The following SNX19 variants were observed in gnomAD, a reference collection of about 807,000 sequenced individuals.
SNX19 encodes the protein sorting nexin 19.
SNX19 carries 60 observed loss-of-function variants against 85.2 expected under a neutral mutation model. The ratio of observed to expected loss-of-function variants is 0.70; its 90% CI spans 0.57 to 0.87. The LOEUF is 0.87. Ranked by LOEUF, SNX19 falls within the 40% of genes least tolerant of loss-of-function variation. The probability of loss-of-function intolerance (pLI) is 0.00; values close to 1 mark genes in which losing one functional copy is unlikely to be tolerated. For missense variants in SNX19, 1,201 were observed against 1,217.8 expected (o/e 0.99, Z 0.21); for synonymous variants, 520 against 470.0 (o/e 1.11, Z -1.38).
chr11:130,905,767 C>A, intron 7 of SNX19, 186 bp downstream of exon 7: 1 of 1,537,472 alleles, frequency 6.5e-7, no homozygotes, highest in Middle Eastern at 1.7e-4. Context: ...TGCTTGATTC[C>A]GCTGTGGCAA....
chr11:130,886,358 C>T (rs1893017), intron 8 of SNX19, among the ~76,000 whole-genome samples: 66,113 of 151,794 alleles, frequency 0.44, 14,665 homozygotes, highest in South Asian at 0.56. Flanking sequence ...TGCATGCTCA[C>T]AGTGGGCTGC....
chr11:130,894,855 C>T, intron 8 of SNX19: 1 of 985,306 alleles, frequency 1.0e-6, no homozygotes. Flanking sequence ...GTTATACCTT[C>T]CTCTATAAAG....
rs12363140 is a variant in SNX19, at chr11:130,874,373, A to C, written c.*4049T>G. 0.44 allele frequency among the ~76,000 whole-genome samples: 66,536 copies of C among 152,054 alleles called. 14,851 individuals are homozygous for C. The highest frequency in any genetic ancestry group is 0.57 in the South Asian group (2,724 of 4,814). On this transcript the variant is annotated 3_prime_UTR_variant, in exon 11 of 11. Transcript: ENST00000265909. ...GGGAAATGGTTCCTTCATTCCTTAG[A>C]AGAAAACACAGAAGAGATGCTCCTG...
chr11:130,891,063 C>T (rs1317636146), intron 8 of SNX19, among the ~76,000 whole-genome samples: 7 of 152,082 alleles, frequency 4.6e-5, no homozygotes, highest in Non-Finnish European at 7.4e-5. Context: ...CCAATACTTA[C>T]AACAGCAAAA....
At chr11:130,907,105 T>C (rs1945730204) in intron 5 of SNX19, among the ~76,000 whole-genome samples, 1 of 152,222 alleles carries the variant, frequency 6.6e-6, no homozygotes, top group South Asian at 2.1e-4. Flanking sequence ...AAGTTTTCAT[T>C]ATTGCTATTC....
chr11:130,872,783 C>A lies in SNX19; in HGVS notation c.*5639G>T, dbSNP rs1943079086. Among the ~76,000 whole-genome samples the A allele has an allele frequency of 6.6e-6, 1 of 152,170 alleles. No homozygotes were observed. Among genetic ancestry groups the A allele is most frequent in the African/African-American group, 2.4e-5 (1 of 41,456 alleles). ...AAAGTATCATGGTTTCCCTTCCTCC[C>A]CAGTTACCATTCTTTCCCTGGTTCC... On this transcript the variant is annotated 3_prime_UTR_variant, in exon 11 of 11. Coordinates refer to ENST00000265909, the MANE Select transcript of SNX19 (RefSeq NM_014758.3).
In SNX19 at chr11:130,869,462, C is replaced by G. The variant is rs1231825292; in HGVS notation, c.*8960G>C. The G allele has an allele frequency of 2.6e-5, 4 of 152,122 alleles. No individual in the cohort carries two copies. The highest frequency in any genetic ancestry group is 4.4e-5 in the Non-Finnish European group (3 of 68,004). 9.4% of individuals were successfully genotyped at this position (152,122 alleles called of 1,614,324 possible). A position where few individuals can be genotyped will look rare whatever the true frequency, so the allele number is the denominator to read the frequency against. On this transcript the variant is annotated 3_prime_UTR_variant, in exon 11 of 11. Coordinates refer to ENST00000265909, the MANE Select transcript of SNX19 (RefSeq NM_014758.3). ...TTTCAGAAAGTTTTTCGAGGATAAACTTGTAGAGGGATTTGGGGAGAGGAA... is the reference window on the plus strand; with the variant it reads ...TTTCAGAAAGTTTTTCGAGGATAAAGTTGTAGAGGGATTTGGGGAGAGGAA...
In SNX19 at chr11:130,905,592, T is replaced by A. The variant is rs539831845; in HGVS notation, c.2443+361A>T. The stretch of plus-strand genomic sequence containing the variant: ...GGACTAAGAAGCCACGAAAAAGGCA[T>A]GAAGGAAACCAGGAAACTGAGACAC... On this transcript the variant is annotated intron_variant, in intron 7 of 10. Transcript: ENST00000265909. The A allele has an allele frequency of 1.5e-4, 194 of 1,306,294 alleles. No individual in the cohort carries two copies. In the African/African-American group the frequency reaches 2.5e-3, roughly 17 times the overall value. The allele number at this position is 1,306,294 out of a possible 1,614,324, so 80.9% of individuals were successfully genotyped here.
rs1942875399 is a variant in SNX19, at chr11:130,868,569, A to T, written c.*9853T>A. 1 of 152,176 alleles carries T rather than the reference A, an allele frequency of 6.6e-6. No homozygotes were observed. Among genetic ancestry groups the T allele is most frequent in the Non-Finnish European group, 1.5e-5 (1 of 68,050 alleles). The allele number at this position is 152,176 out of a possible 1,614,324, so 9.4% of individuals were successfully genotyped here. On this transcript the variant is annotated 3_prime_UTR_variant, in exon 11 of 11. Transcript: ENST00000265909. Reference sequence around the variant, plus strand: ...TCAGGAGCTAGCTGGTTACTGTAGCAACAGGCCTTCAAAGCTTCACATTTC... The same window carrying T: ...TCAGGAGCTAGCTGGTTACTGTAGCTACAGGCCTTCAAAGCTTCACATTTC...
At chr11:130,910,217 G>A in intron 3 of SNX19, 53 bp downstream of exon 3, 1 of 1,612,022 alleles carries the variant, frequency 6.2e-7, no homozygotes, top group Non-Finnish European at 8.5e-7. Context: ...GGTGTTCTGG[G>A]GTTAGACACC....
rs1373554019 is a variant in SNX19, at chr11:130,876,598, G to C, written c.*1824C>G. 1 of 57,014 alleles carries C rather than the reference G, an allele frequency of 1.8e-5. No homozygotes were observed. Among genetic ancestry groups the C allele is most frequent in the East Asian group, 3.6e-4 (1 of 2,796 alleles). 3.5% of individuals were successfully genotyped at this position (57,014 alleles called of 1,614,324 possible). A position where few individuals can be genotyped will look rare whatever the true frequency, so the allele number is the denominator to read the frequency against. Reference sequence around the variant, plus strand: ...ACACAGGTGGCTAAGTACACATGAGGGGAAGGTAGGTATGGGGAGAGAAAA... The same window carrying C: ...ACACAGGTGGCTAAGTACACATGAGCGGAAGGTAGGTATGGGGAGAGAAAA... On this transcript the variant is annotated 3_prime_UTR_variant, in exon 11 of 11. Transcript: ENST00000265909.
intron 7 of SNX19, among the ~76,000 whole-genome samples, chr11:130,903,998 A>C (rs1490825709): frequency 6.6e-6 from 1 of 152,168 alleles, no homozygotes; most frequent in East Asian, 1.9e-4. Flanking sequence ...AGGATTCAGG[A>C]GGCTTCAGTC....
rs1165298848 is a variant in SNX19, at chr11:130,874,577, C to T, written c.*3845G>A. The stretch of plus-strand genomic sequence containing the variant: ...CCAAACTCCTGGGCTTACCTACTCA[C>T]GTACTAATGTTATGAAATAAAATAA... On this transcript the variant is annotated 3_prime_UTR_variant, in exon 11 of 11. Transcript: ENST00000265909. 1.3e-5 allele frequency among the ~76,000 whole-genome samples: 2 copies of T among 152,200 alleles called. No individual in the cohort carries two copies. The highest frequency in any genetic ancestry group is 2.4e-5 in the African/African-American group (1 of 41,436).
intron 8 of SNX19, among the ~76,000 whole-genome samples, chr11:130,891,836 A>C (rs1944517962): frequency 7.0e-6 from 1 of 142,082 alleles, no homozygotes; most frequent in Admixed American, 7.6e-5. Context: ...TTTCATTCTG[A>C]AAGTTTTTTC....
chr11:130,879,489 G>A, intron 10 of SNX19, 135 bp downstream of exon 10: 1 of 698,280 alleles, frequency 1.4e-6, no homozygotes, highest in Non-Finnish European at 2.4e-6. Context: ...AAACTCTGTA[G>A]TCAGTGCCCA....
At chr11:130,898,750 T>C (rs1345197908) in intron 8 of SNX19, among the ~76,000 whole-genome samples, 1 of 152,204 alleles carries the variant, frequency 6.6e-6, no homozygotes, top group Non-Finnish European at 1.5e-5. Context: ...CCTGCAACTG[T>C]CCCAGGGATA....
chr11:130,910,472 C>T, intron 2 of SNX19, 102 bp from the exon 3 acceptor site: 1 of 871,414 alleles, frequency 1.1e-6, no homozygotes, highest in Middle Eastern at 3.5e-4. Context: ...GAATATATTT[C>T]CTTGGATTAA....
At chr11:130,911,832 C>T (rs1252406382) in intron 1 of SNX19, 61 bp from the exon 2 acceptor site, 2 of 1,545,716 alleles carry the variant, frequency 1.3e-6, no homozygotes, top group African/African-American at 1.4e-5. Context: ...TCTATTCTGG[C>T]TTTACTGACT....
chr11:130,876,383 G>A lies in SNX19; in HGVS notation c.*2039C>T, dbSNP rs1943251424. The A allele has an allele frequency of 6.6e-6, 1 of 152,494 alleles. No homozygotes were observed. The highest frequency in any genetic ancestry group is 2.1e-4 in the South Asian group (1 of 4,836). The allele number at this position is 152,494 out of a possible 1,614,324, so 9.4% of individuals were successfully genotyped here. ...CTCCTGGGTAGAAGGAGGATCTGAG[G>A]ACAGCTTATCTTTTTGGGGTACGTG... On this transcript the variant is annotated 3_prime_UTR_variant, in exon 11 of 11. Coordinates refer to ENST00000265909, the MANE Select transcript of SNX19 (RefSeq NM_014758.3).
Sources: allele counts gnomAD v4.1 joint callset (sites outside exome capture counted in the v4.1 genomes callset), GRCh38; gene constraint gnomAD v4.1.1; transcripts MANE v1.5; gene names NCBI Gene and HGNC (gene_info 2026-07-23, HGNC 2026-07-21).